Variants in MAN2B2 observed in about 807,000 individuals in gnomAD.
MAN2B2 encodes the protein epididymis-specific alpha-mannosidase.
Under a neutral mutation model 117.1 loss-of-function variants are expected in MAN2B2, and 106 were observed. The observed-to-expected ratio is 0.90, with a 90% CI of 0.77 to 1.06. The LOEUF is 1.06. MAN2B2 is among the 50% of genes least tolerant of loss of function. The probability of loss-of-function intolerance (pLI) is 0.00; values close to 1 mark genes in which losing one functional copy is unlikely to be tolerated. For missense variants in MAN2B2, 1,326 were observed against 1,381.4 expected, an observed-to-expected ratio of 0.96 and a Z score of 0.64; for synonymous variants, 544 against 595.1, an observed-to-expected ratio of 0.91 and a Z score of 1.25.
At chr4:6,585,701 T>C (rs1325442989) in intron 3 of MAN2B2, among the ~76,000 whole-genome samples, 2 of 152,176 alleles carry the variant, frequency 1.3e-5, no homozygotes, top group Non-Finnish European at 2.9e-5. Context: ...GCTCAGGACC[T>C]CTTGAAAAGT....
At position 6,622,721 on chromosome 4, in the gene MAN2B2, C is replaced by G. The variant is rs1001567454; in HGVS notation, c.*1436C>G. ...AAAGTGCCAGGATTACAGGCGTGAG[C>G]CAATGTGCCCGGCCTAAACCGTTTT... On this transcript the variant is annotated 3_prime_UTR_variant, in exon 19 of 19. Transcript: ENST00000285599. The G allele has an allele frequency of 6.6e-6, 1 of 151,924 alleles. No individual in the cohort carries two copies. The highest frequency in any genetic ancestry group is 1.5e-5 in the Non-Finnish European group (1 of 68,076). The allele number at this position is 151,924 out of a possible 1,614,324, so 9.4% of individuals were successfully genotyped here.
rs753882261 is a variant in MAN2B2, at chr4:6,589,070, C to T, written c.590C>T (p.Ser197Phe). The change falls in exon 5 of 19, where the codon TCC (serine) becomes TTC (phenylalanine). Residue 197 changes from serine to phenylalanine, a missense_variant. Ser to Phe is a radical substitution (Grantham distance 155). Transcript: ENST00000285599. The part of the protein sequence containing the change: ...ARGLQFVWRG[S>F]PSLSERQEIF... ...GGGCTGCAGTTCGTGTGGCGAGGGT[C>T]CCCATCCCTCTCAGAGCGGCAGGAA... 6.2e-7 allele frequency: 1 copy of T among 1,614,074 alleles called. No homozygotes were observed. The highest frequency in any genetic ancestry group is 8.5e-7 in the Non-Finnish European group (1 of 1,179,942).
chr4:6,615,724 C>A (rs1038085528), intron 16 of MAN2B2, among the ~76,000 whole-genome samples: 1 of 151,996 alleles, frequency 6.6e-6, no homozygotes, highest in African/African-American at 2.4e-5. Flanking sequence ...CACTTGAGGC[C>A]AGGAGTTCAA....
At chr4:6,599,886 C>T (rs758581861) in intron 9 of MAN2B2, among the ~76,000 whole-genome samples, 4 of 152,208 alleles carry the variant, frequency 2.6e-5, no homozygotes, top group South Asian at 2.1e-4. Context: ...AGTGGCAGAA[C>T]GGGAGCTCTC....
At chr4:6,602,110 G>A (rs1266608481) in intron 10 of MAN2B2, among the ~76,000 whole-genome samples, 1 of 152,220 alleles carries the variant, frequency 6.6e-6, no homozygotes, top group Non-Finnish European at 1.5e-5. Flanking sequence ...CAGTGAGGAA[G>A]AGGTGGAGCA....
At position 6,621,211 on chromosome 4, in the gene MAN2B2, C is replaced by A. The variant is rs1478852460; in HGVS notation, c.2956C>A (p.Pro986Thr). The change falls in exon 19 of 19, where the codon CCA becomes ACA. Residue 986 changes from proline (P) to threonine (T), a missense_variant. Transcript: ENST00000285599. ...HRGDTTSPSR[P>T]PGGPIITVHP... ...AGGTGACACCACCTCTCCCTCGAGG[C>A]CACCAGGAGGCCCCATCATCACCGT... 3 of 1,614,044 alleles carry A rather than the reference C, an allele frequency of 1.9e-6. No individual in the cohort carries two copies. Among genetic ancestry groups the A allele is most frequent in the South Asian group, 2.2e-5 (2 of 91,080 alleles).
At chr4:6,607,789 C>G (rs1277348321) in intron 11 of MAN2B2, among the ~76,000 whole-genome samples, 1 of 152,222 alleles carries the variant, frequency 6.6e-6, no homozygotes, top group Admixed American at 6.5e-5. Flanking sequence ...CTATGTTTAA[C>G]TCTTTGAGGA....
At chr4:6,620,704 T>A (rs1288380711) in intron 18 of MAN2B2, 1 of 160,424 alleles carries the variant, frequency 6.2e-6, no homozygotes, top group African/African-American at 2.4e-5. Context: ...GGGAAGATGA[T>A]GTTGGTTGGA....
At position 6,622,646 on chromosome 4, in the gene MAN2B2, G is replaced by C. The variant is rs1453029693; in HGVS notation, c.*1361G>C. The C allele has an allele frequency of 1.3e-5, 2 of 152,192 alleles. No homozygotes were observed. The highest frequency in any genetic ancestry group is 2.9e-5 in the Non-Finnish European group (2 of 68,058). 9.4% of individuals were successfully genotyped at this position (152,192 alleles called of 1,614,324 possible). On this transcript the variant is annotated 3_prime_UTR_variant, in exon 19 of 19. Transcript: ENST00000285599. Reference sequence around the variant, plus strand: ...AGACGGGGATTCACCATGTTGGCCAGGCTGATCTGGAACTCCTGACCTCAG... The same window carrying C: ...AGACGGGGATTCACCATGTTGGCCACGCTGATCTGGAACTCCTGACCTCAG...
intron 15 of MAN2B2, among the ~76,000 whole-genome samples, chr4:6,611,833 T>C (rs552684158): frequency 6.6e-6 from 1 of 152,254 alleles, no homozygotes; most frequent in Admixed American, 6.5e-5. Flanking sequence ...TGAATCTAGG[T>C]GTGCTGTCAC....
intron 10 of MAN2B2, among the ~76,000 whole-genome samples, chr4:6,601,231 T>C (rs998561382): frequency 2.0e-5 from 3 of 152,176 alleles, no homozygotes; most frequent in Non-Finnish European, 4.4e-5. Flanking sequence ...TGGCTGGGTG[T>C]GGTGGCTCAC....
At chr4:6,582,087 A>T (rs1486093393) in intron 3 of MAN2B2, among the ~76,000 whole-genome samples, 4 of 151,826 alleles carry the variant, frequency 2.6e-5, no homozygotes, top group African/African-American at 9.7e-5. Flanking sequence ...TCCTGAGGGG[A>T]GAGAGCCCAG....
rs1226757941 is a variant in MAN2B2, at chr4:6,575,256, C to A, written c.46C>A (p.Leu16Met). The A allele has an allele frequency of 4.5e-6, 7 of 1,547,628 alleles. No individual in the cohort carries two copies. Among genetic ancestry groups the A allele is most frequent in the Non-Finnish European group, 6.1e-6 (7 of 1,152,290 alleles). ...GCCGCTGCTGGCACCGCTCCTGTTG[C>A]TGCGACCGCCAGGGGTCCAGTCCGC... is the stretch of plus-strand genomic sequence containing the variant. ...WLPLLAPLLLLRPPGVQSAGP... is the reference protein window; with the variant it reads ...WLPLLAPLLLMRPPGVQSAGP... The change falls in exon 1 of 19, where the codon CTG becomes ATG. Residue 16 changes from leucine to methionine, a missense_variant. Leu to Met is a conservative substitution (Grantham distance 15, BLOSUM62 2). Transcript: ENST00000285599.
rs571659923 is a variant in MAN2B2, at chr4:6,596,212, G to A, written c.1058-901G>A. On this transcript the variant is annotated intron_variant, in intron 7 of 18. Coordinates refer to ENST00000285599, the MANE Select transcript of MAN2B2 (RefSeq NM_015274.3). ...GCGTCCAGGTGGGCGTGGTATCCAG[G>A]CGGGCATGGTATCGTGATGACCACT... Among the ~76,000 whole-genome samples, 86 of 152,158 alleles carry A rather than the reference G, an allele frequency of 5.7e-4. 1 individual carries two copies. The highest frequency in any genetic ancestry group is 1.8e-3 in the African/African-American group (76 of 41,474).
At chr4:6,575,641 C>T (rs947885878) in intron 1 of MAN2B2, among the ~76,000 whole-genome samples, 7 of 152,204 alleles carry the variant, frequency 4.6e-5, no homozygotes, top group Admixed American at 4.6e-4. Context: ...CCAGGGAAGC[C>T]TGGAGCAGGA....
intron 12 of MAN2B2, 193 bp from the exon 13 acceptor site, chr4:6,609,605 G>C: frequency 1.5e-6 from 1 of 688,594 alleles, no homozygotes; most frequent in South Asian, 1.8e-5. Flanking sequence ...CAGCCCTGCG[G>C]TGTCGGGGAA....
At chr4:6,615,202 C>T (rs141342693) in intron 16 of MAN2B2, among the ~76,000 whole-genome samples, 1,833 of 152,274 alleles carry the variant, frequency 0.012, 47 homozygotes, top group African/African-American at 0.041. Flanking sequence ...TCAAGACCAG[C>T]CTGGGCAGCA....
At chr4:6,596,438 G>C (rs977262165) in intron 7 of MAN2B2, among the ~76,000 whole-genome samples, 2 of 152,138 alleles carry the variant, frequency 1.3e-5, no homozygotes, top group African/African-American at 4.8e-5. Flanking sequence ...CATCCCAGAC[G>C]CCGAGGAGCA....
Position 6,611,159 on chromosome 4 carries a change from C to T in MAN2B2, c.2444C>T (p.Ser815Leu). 6.2e-7 allele frequency: 1 copy of T among 1,613,988 alleles called. No homozygotes were observed. Residue 815 changes from serine to leucine, a missense_variant, in exon 15 of 19, where the codon TCA (serine) becomes TTA (leucine). Transcript: ENST00000285599. ...LGYNLTLNDT[S>L]VVHPVLWLLL... is the part of the protein sequence containing the mutation. Reference sequence around the variant, plus strand: ...TACAACCTCACGCTGAACGACACCTCAGTCGTCCACCCAGTGCTCTGGCTT... The same window carrying T: ...TACAACCTCACGCTGAACGACACCTTAGTCGTCCACCCAGTGCTCTGGCTT...
Sources: allele counts gnomAD v4.1 joint callset (sites outside exome capture counted in the v4.1 genomes callset), GRCh38; gene constraint gnomAD v4.1.1; transcripts MANE v1.5; gene names NCBI Gene and HGNC (gene_info 2026-07-23, HGNC 2026-07-21).